Variants in TIAM1 observed in about 807,000 individuals in gnomAD.
The protein encoded by TIAM1 is rho guanine nucleotide exchange factor TIAM1.
A neutral mutation model predicts 163.5 loss-of-function variants in TIAM1; 65 were observed. The ratio of observed to expected loss-of-function variants is 0.40; its 90% confidence interval spans 0.33 to 0.49. The LOEUF is 0.49. Ranked by LOEUF, TIAM1 falls within the 20% of genes least tolerant of loss-of-function variation. TIAM1 has a pLI of 0.77. For synonymous variants in TIAM1, 833 were observed against 810.1 expected, an observed-to-expected ratio of 1.03 and a Z score of -0.48; for missense variants, 1,789 against 2,044.7, an observed-to-expected ratio of 0.87 and a Z score of 2.41.
rs1352935216 is a variant in TIAM1 at position 31,184,381 on chromosome 21, CAGGTGTGAG to C, written c.2663-1745_2663-1737del. 2.0e-3 allele frequency among the ~76,000 whole-genome samples: 311 copies of C among 152,312 alleles called. 3 individuals carry two copies. Among genetic ancestry groups the C allele is most frequent in the African/African-American group, 6.9e-3 (286 of 41,574 alleles). ...TTGGCCTCCCAAAGTGCTGGGATTA[CAGGTGTGAG>C]CCACCGTGCCCGGCCAATTCACAGC... On this transcript the variant is annotated intron_variant, in intron 14 of 27. Coordinates refer to ENST00000541036, the MANE Select transcript of TIAM1 (RefSeq NM_001353694.2).
rs146943275 is a variant in TIAM1 at position 31,408,919 on chromosome 21, G to A, written c.-369+55064C>T. The stretch of plus-strand genomic sequence containing the variant: ...AATCTATGGTTTACAAAGCTTCCAG[G>A]TGGCTGTGATGCAACACACTTTGAG... On this transcript the variant is annotated intron_variant, in intron 2 of 28. Transcript: ENST00000286827. Among the ~76,000 whole-genome samples the A allele has an allele frequency of 2.1e-3, 315 of 152,150 alleles. 5 individuals carry two copies. Among genetic ancestry groups the A allele is most frequent in the Middle Eastern group, 0.014 (4 of 294 alleles).
chr21:31,297,024 T>G (rs1334445825), intron 2 of TIAM1, among the ~76,000 whole-genome samples: 3 of 152,174 alleles, frequency 2.0e-5, no homozygotes, highest in Admixed American at 2.0e-4. Context: ...TCTCCTAAAC[T>G]CATGCTACTA....
intron 1 of TIAM1, among the ~76,000 whole-genome samples, chr21:31,516,882 T>A (rs2047400068): frequency 6.6e-6 from 1 of 151,070 alleles, no homozygotes; most frequent in Non-Finnish European, 1.5e-5. Flanking sequence ...AAACCCCATC[T>A]CTACTAAAAA....
At chr21:31,199,921 A>AC (rs1176500920) in intron 12 of TIAM1, among the ~76,000 whole-genome samples, 57 of 150,452 alleles carry the variant, frequency 3.8e-4, no homozygotes, top group Middle Eastern at 3.4e-3. Flanking sequence ...AAAAAAAAAA[A>AC]AAAACACACA....
intron 2 of TIAM1, among the ~76,000 whole-genome samples, chr21:31,394,728 TCACACACACACACACACACACACA>T (rs71318270): frequency 1.0e-5 from 1 of 95,704 alleles, no homozygotes; most frequent in Non-Finnish European, 2.1e-5. Context: ...TCTCTCTCTC[TCACACACACACACACACACACACA>T]CACACACACA....
At chr21:31,277,166 C>A (rs2073334853) in intron 2 of TIAM1, among the ~76,000 whole-genome samples, 1 of 152,078 alleles carries the variant, frequency 6.6e-6, no homozygotes. Context: ...GAGGTCAGCA[C>A]AAGATACAGG....
At chr21:31,308,613 C>T (rs909612549) in intron 2 of TIAM1, among the ~76,000 whole-genome samples, 3 of 151,936 alleles carry the variant, frequency 2.0e-5, no homozygotes, top group Admixed American at 6.6e-5. Flanking sequence ...ACGCAATAAA[C>T]GCGTGTTGTA....
At chr21:31,391,625 A>C (rs1358427330) in intron 2 of TIAM1, among the ~76,000 whole-genome samples, 1 of 151,652 alleles carries the variant, frequency 6.6e-6, no homozygotes, top group East Asian at 1.9e-4. Flanking sequence ...ACTCTGTCTT[A>C]AAAAAAACAA....
chr21:31,310,486 G>A (rs1361080562), intron 2 of TIAM1, among the ~76,000 whole-genome samples: 1 of 152,160 alleles, frequency 6.6e-6, no homozygotes, highest in Non-Finnish European at 1.5e-5. Flanking sequence ...GGTGAAAAAT[G>A]GCCTTGGGTT....
chr21:31,232,032 C>T lies in TIAM1; in HGVS notation c.1585-6082G>A, dbSNP rs565135910. Among the ~76,000 whole-genome samples the T allele has an allele frequency of 4.6e-5, 7 of 151,756 alleles. No homozygotes were observed. The South Asian group carries it at 1.0e-3, about 23-fold the overall frequency. On this transcript the variant is annotated intron_variant, in intron 6 of 27. Coordinates refer to ENST00000541036, the MANE Select transcript of TIAM1 (RefSeq NM_001353694.2). ...ATCTCACAAAAAAAAAAAGTTCTGGCGATGAATAATGGTGATAGTTGCACA... is the reference window on the plus strand; with the variant it reads ...ATCTCACAAAAAAAAAAAGTTCTGGTGATGAATAATGGTGATAGTTGCACA...
chr21:31,466,472 C>G (rs1276987067), intron 1 of TIAM1, among the ~76,000 whole-genome samples: 1 of 145,482 alleles, frequency 6.9e-6, no homozygotes, highest in African/African-American at 2.6e-5. Flanking sequence ...CTAAAACTAA[C>G]TGGGAAGGCC....
intron 1 of TIAM1, among the ~76,000 whole-genome samples, chr21:31,548,617 A>C (rs2048581974): frequency 6.6e-6 from 1 of 151,040 alleles, no homozygotes; most frequent in Non-Finnish European, 1.5e-5. Context: ...CCTCCCAAGT[A>C]GCTGGGACTA....
chr21:31,396,305 T>A (rs1389114526), intron 2 of TIAM1, among the ~76,000 whole-genome samples: 1 of 152,122 alleles, frequency 6.6e-6, no homozygotes, highest in African/African-American at 2.4e-5. Flanking sequence ...CACGCATGCC[T>A]CCTGCCAATC....
At chr21:31,547,253 T>A (rs973520025) in intron 1 of TIAM1, among the ~76,000 whole-genome samples, 2 of 152,232 alleles carry the variant, frequency 1.3e-5, no homozygotes, top group African/African-American at 4.8e-5. Flanking sequence ...AGGTTCCTCA[T>A]GCTAACCGGC....
At chr21:31,550,760 G>A (rs1279680353) in intron 1 of TIAM1, among the ~76,000 whole-genome samples, 2 of 152,198 alleles carry the variant, frequency 1.3e-5, no homozygotes, top group East Asian at 3.8e-4. Context: ...GGAGCTGGGG[G>A]TAGAGCCAGG....
chr21:31,347,544 C>T (rs531297016), upstream of TIAM1, among the ~76,000 whole-genome samples: 34 of 152,256 alleles, frequency 2.2e-4, 1 homozygote, highest in South Asian at 5.8e-3. Context: ...AAAATGTGAA[C>T]GCAGGTCCGA....
intron 2 of TIAM1, among the ~76,000 whole-genome samples, chr21:31,308,341 G>A (rs2074796769): frequency 6.6e-6 from 1 of 152,016 alleles, no homozygotes; most frequent in Non-Finnish European, 1.5e-5. Context: ...TTTGTATAAG[G>A]AAGATAATGG....
At chr21:31,154,518 T>C in intron 16 of TIAM1, 92 bp from the exon 17 acceptor site, 1 of 1,340,306 alleles carries the variant, frequency 7.5e-7, no homozygotes, top group Non-Finnish European at 1.0e-6. Flanking sequence ...TTCTCCCTGG[T>C]TAGTCAACTG....
intron 2 of TIAM1, among the ~76,000 whole-genome samples, chr21:31,429,648 A>G (rs1249108932): frequency 6.6e-6 from 1 of 152,070 alleles, no homozygotes; most frequent in Non-Finnish European, 1.5e-5. Context: ...AAGCAGGTCA[A>G]GCAGAGTTAG....
Sources: gnomAD v4.1 joint callset for allele counts (sites outside exome capture counted in the v4.1 genomes callset) on GRCh38, gnomAD v4.1.1 for gene constraint, MANE v1.5 for transcripts, NCBI Gene and HGNC (gene_info 2026-07-23, HGNC 2026-07-21) for gene names.